Variants in GPSM1 observed in about 807,000 individuals in gnomAD.
GPSM1 encodes G protein signaling modulator 1, also known as G protein-signaling modulator 1.
In GPSM1, 48 loss-of-function variants were observed where a neutral mutation model predicts 70.5. That is an observed-to-expected ratio of 0.68 (90% CI 0.54 to 0.87). The LOEUF (loss-of-function observed/expected upper bound fraction) is 0.87, where lower values mean the gene tolerates loss of function less well. Among genes scored for constraint, GPSM1 ranks in the 40% least tolerant of loss-of-function variants. The pLI, the probability that GPSM1 is intolerant of heterozygous loss-of-function variation, is 0.00. For synonymous variants in GPSM1, 416 were observed against 430.1 expected (o/e 0.97, Z 0.41); for missense variants, 981 against 972.6 (o/e 1.01, Z -0.11).
In GPSM1 at chr9:136,341,236, G is replaced by A. The variant is rs369070290; in HGVS notation, c.1207+243G>A. ...GCTGGATGAAGGACAGGAGGTGGTCGCCTGTTGCCCCACTGGCTGCTCCAG... is the reference window on the plus strand; with the variant it reads ...GCTGGATGAAGGACAGGAGGTGGTCACCTGTTGCCCCACTGGCTGCTCCAG... On this transcript the variant is annotated intron_variant, in intron 9 of 13. Transcript: ENST00000440944. This position sits in a 1 kb window ranked among gnomAD's most constrained non-coding sequence, Gnocchi z 6.7. 1.6e-5 allele frequency: 24 copies of A among 1,509,006 alleles called. 1 individual carries two copies. The highest frequency in any genetic ancestry group is 7.6e-5 in the South Asian group (6 of 78,948). 93.5% of individuals were successfully genotyped at this position (1,509,006 alleles called of 1,614,324 possible). A position where few individuals can be genotyped will look rare whatever the true frequency, so the allele number is the denominator to read the frequency against.
intron 11 of GPSM1, chr9:136,354,731 T>G: frequency 4.2e-5 from 31 of 729,600 alleles, no homozygotes; most frequent in South Asian, 6.2e-5. Context: ...CAGCCTCCCT[T>G]GTTTGGGTGT....
intron 6 of GPSM1, 39 bp downstream of exon 6, chr9:136,338,000 C>CGG: frequency 1.5e-6 from 2 of 1,350,828 alleles, no homozygotes; most frequent in African/African-American, 2.9e-5. Flanking sequence ...GACAGCAGGC[C>CGG]GGGGGGGCTG....
rs1196807744 is a variant in GPSM1, at chr9:136,343,185, T to C, written c.1207+2192T>C. On this transcript the variant is annotated intron_variant, in intron 9 of 13. Transcript: ENST00000440944. This position sits in a 1 kb window ranked among gnomAD's most constrained non-coding sequence, Gnocchi z 6.0. ...TGGGTGTGTGGCCTCTATGAGACCC[T>C]GACAGCAACCAGCCCCCACCTCCCT... Among the ~76,000 whole-genome samples the C allele has an allele frequency of 1.3e-5, 2 of 152,150 alleles. No homozygotes were observed. The highest frequency in any genetic ancestry group is 1.3e-4 in the Admixed American group (2 of 15,286).
intron 1 of GPSM1, among the ~76,000 whole-genome samples, chr9:136,331,038 C>CCCGTGG (rs1388751501): frequency 2.0e-5 from 3 of 152,162 alleles, no homozygotes; most frequent in African/African-American, 7.2e-5. Context: ...CTGCTCAGAC[C>CCCGTGG]CCGTGGCCGT....
intron 1 of GPSM1, among the ~76,000 whole-genome samples, chr9:136,330,776 G>A (rs71508846): frequency 0.059 from 9,036 of 152,234 alleles, 422 homozygotes; most frequent in African/African-American, 0.11. Context: ...GGTAGTAGGA[G>A]TTGCAGTGCT....
At chr9:136,334,837 G>A (rs1051094129) in intron 2 of GPSM1, among the ~76,000 whole-genome samples, 169 bp downstream of exon 2, 6 of 150,694 alleles carry the variant, frequency 4.0e-5, no homozygotes, top group Non-Finnish European at 7.4e-5. Flanking sequence ...GAGTGGGGAC[G>A]GCCCTGCTGG....
At chr9:136,337,624 C>A (rs1211593219) in intron 5 of GPSM1, 60 bp downstream of exon 5, 1 of 1,489,802 alleles carries the variant, frequency 6.7e-7, no homozygotes, top group Non-Finnish European at 9.2e-7. Context: ...AGGGCTGAGC[C>A]ACCCTCTTGG....
chr9:136,331,981 G>C (rs1216184531), intron 1 of GPSM1: 9 of 398,462 alleles, frequency 2.3e-5, no homozygotes, highest in Non-Finnish European at 3.1e-5. Context: ...GGGCTGGCTT[G>C]GGGGAGGAGG....
Position 136,359,470 on chromosome 9 carries a change from C to G in GPSM1, c.*1250C>G, listed in dbSNP as rs1425495532. 1 of 152,148 alleles carries G rather than the reference C, an allele frequency of 6.6e-6. No individual in the cohort carries two copies. The highest frequency in any genetic ancestry group is 1.5e-5 in the Non-Finnish European group (1 of 67,998). The allele number at this position is 152,148 out of a possible 1,614,324, so 9.4% of individuals were successfully genotyped here. A position where few individuals can be genotyped will look rare whatever the true frequency, so the allele number is the denominator to read the frequency against. On this transcript the variant is annotated 3_prime_UTR_variant, in exon 14 of 14. Transcript: ENST00000440944. ...AACACAGGGTCTCCAGGACGTAGCG[C>G]CCCCCCGCATACTTGAATGTATGTG...
chr9:136,348,100 G>A (rs1554771527), intron 9 of GPSM1, among the ~76,000 whole-genome samples: 2 of 152,204 alleles, frequency 1.3e-5, no homozygotes, highest in Admixed American at 6.5e-5. Context: ...GGGTCCCTTG[G>A]GTGGAGACAC....
intron 11 of GPSM1, among the ~76,000 whole-genome samples, chr9:136,352,057 T>G (rs1025243073): frequency 8.6e-5 from 10 of 115,924 alleles, no homozygotes; most frequent in East Asian, 5.2e-4. Context: ...ATACCAATAC[T>G]GCGCCGTTGC....
intron 13 of GPSM1, among the ~76,000 whole-genome samples, chr9:136,356,804 G>A (rs1832843198): frequency 6.6e-6 from 1 of 152,194 alleles, no homozygotes; most frequent in Admixed American, 6.5e-5. Flanking sequence ...CTCCCAGGCT[G>A]TGCCACCCCC....
At chr9:136,335,879 G>A (rs1832220031) in intron 2 of GPSM1, 87 bp from the exon 3 acceptor site, 3 of 1,385,960 alleles carry the variant, frequency 2.2e-6, no homozygotes, top group Non-Finnish European at 3.0e-6. Flanking sequence ...CTGAGGCCCA[G>A]CTACCCCACC....
intron 10 of GPSM1, 23 bp from the exon 11 acceptor site, chr9:136,349,564 C>G: frequency 6.5e-7 from 1 of 1,545,032 alleles, no homozygotes; most frequent in South Asian, 1.2e-5. Flanking sequence ...GCCCAGGCCA[C>G]GCACAGCCTT....
intron 11 of GPSM1, 87 bp from the exon 12 acceptor site, chr9:136,355,601 AGT>A: frequency 8.0e-7 from 1 of 1,252,992 alleles, no homozygotes; most frequent in Non-Finnish European, 1.1e-6. Context: ...GGGTCTCAGA[AGT>A]GTGTGTGGCC....
chr9:136,342,225 GC>G lies in GPSM1; in HGVS notation c.1207+1233del, dbSNP rs1832408868. Among the ~76,000 whole-genome samples, 1 of 152,234 alleles carries G rather than the reference GC, an allele frequency of 6.6e-6. No homozygotes were observed. Among genetic ancestry groups the G allele is most frequent in the Non-Finnish European group, 1.5e-5 (1 of 67,998 alleles). On this transcript the variant is annotated intron_variant, in intron 9 of 13. Coordinates refer to ENST00000440944, the MANE Select transcript of GPSM1 (RefSeq NM_001145638.3). This position sits in a 1 kb window ranked among gnomAD's most constrained non-coding sequence, Gnocchi z 5.5. ...GGGAGCTCTGCCGAGAGCTCCTGCGGCACCCCTAGTACCCTCCTGTGTCCCT... is the reference window on the plus strand; with the variant it reads ...GGGAGCTCTGCCGAGAGCTCCTGCGGACCCCTAGTACCCTCCTGTGTCCCT...
intron 1 of GPSM1, among the ~76,000 whole-genome samples, chr9:136,332,500 C>G (rs1307617763): frequency 6.6e-6 from 1 of 152,240 alleles, no homozygotes; most frequent in Admixed American, 6.5e-5. Context: ...ACCCAGGCCT[C>G]AGGCCTGAAG....
At position 136,341,800 on chromosome 9, in the gene GPSM1, T is replaced by C. The variant is rs1338807569; in HGVS notation, c.1207+807T>C. On this transcript the variant is annotated intron_variant, in intron 9 of 13. Coordinates refer to ENST00000440944, the MANE Select transcript of GPSM1 (RefSeq NM_001145638.3). This position sits in a 1 kb window ranked among gnomAD's most constrained non-coding sequence, Gnocchi z 6.7. ...GTGCTGGGCTGCCGGAGTTTCTTTTTCTTATCTTATTTTTAATAATTAAAT... is the reference window on the plus strand; with the variant it reads ...GTGCTGGGCTGCCGGAGTTTCTTTTCCTTATCTTATTTTTAATAATTAAAT... 7.1e-6 allele frequency: 7 copies of C among 981,796 alleles called. No homozygotes were observed. The highest frequency in any genetic ancestry group is 1.7e-5 in the African/African-American group (1 of 57,144). The allele number at this position is 981,796 out of a possible 1,614,324, so 60.8% of individuals were successfully genotyped here.
At chr9:136,334,367 T>C in intron 1 of GPSM1, 80 bp from the exon 2 acceptor site, 1 of 997,278 alleles carries the variant, frequency 1.0e-6, no homozygotes, top group Non-Finnish European at 1.5e-6. Context: ...GGGCGTCGTC[T>C]GTAGTGAAGC....
Sources: gnomAD v4.1 joint callset for allele counts (sites outside exome capture counted in the v4.1 genomes callset) on GRCh38, gnomAD v4.1.1 for gene constraint, Gnocchi (gnomAD v3.1) non-coding constraint, MANE v1.5 for transcripts, NCBI Gene and HGNC (gene_info 2026-07-23, HGNC 2026-07-21) for gene names.